Variants in DTNA observed in about 807,000 individuals in gnomAD.
DTNA encodes dystrobrevin alpha, also known as dystrophin-related protein 3.
Under a neutral mutation model 100.7 loss-of-function variants are expected in DTNA, and 43 were observed. The observed-to-expected ratio is 0.43, with a 90% CI of 0.33 to 0.55. The LOEUF is 0.55. Among genes scored for constraint, DTNA ranks in the 20% least tolerant of loss-of-function variants. DTNA has a pLI of 0.04. For missense variants in DTNA, 798 were observed against 953.9 expected, an observed-to-expected ratio of 0.84 and a Z score of 2.15; for synonymous variants, 349 against 347.9, an observed-to-expected ratio of 1.00 and a Z score of -0.04.
chr18:34,741,423 T>C (rs371967877), intron 1 of DTNA, among the ~76,000 whole-genome samples: 108 of 152,340 alleles, frequency 7.1e-4, no homozygotes, highest in Middle Eastern at 3.4e-3. Flanking sequence ...TATTTACCTC[T>C]ATTAAATTTG....
At chr18:34,817,059 A>C (rs150518452) in intron 7 of DTNA, among the ~76,000 whole-genome samples, 1 of 152,180 alleles carries the variant, frequency 6.6e-6, no homozygotes, top group Non-Finnish European at 1.5e-5. Context: ...AGAACTAGTC[A>C]TTTTCCAATC....
intron 1 of DTNA, among the ~76,000 whole-genome samples, chr18:34,636,134 G>C (rs1488198430): frequency 6.6e-6 from 1 of 152,128 alleles, no homozygotes; most frequent in Non-Finnish European, 1.5e-5. Flanking sequence ...ATATATTTGA[G>C]GGTGATATTT....
At chr18:34,613,854 A>G (rs1271714488) in intron 1 of DTNA, among the ~76,000 whole-genome samples, 1 of 152,252 alleles carries the variant, frequency 6.6e-6, no homozygotes, top group African/African-American at 2.4e-5. Context: ...CATAAGATCT[A>G]GCTAAGAAGA....
chr18:34,559,019 A>G (rs1035237876), intron 1 of DTNA, among the ~76,000 whole-genome samples: 2 of 152,212 alleles, frequency 1.3e-5, no homozygotes, highest in Admixed American at 6.5e-5. Flanking sequence ...CCATTGGAAC[A>G]TGGCAACAGT....
At chr18:34,677,675 G>A (rs556327796) in intron 1 of DTNA, among the ~76,000 whole-genome samples, 3 of 152,004 alleles carry the variant, frequency 2.0e-5, no homozygotes, top group African/African-American at 7.2e-5. Flanking sequence ...AATCTACTCC[G>A]ACTCCAATTT....
At chr18:34,568,562 C>G (rs1277898782) in intron 1 of DTNA, among the ~76,000 whole-genome samples, 2 of 152,068 alleles carry the variant, frequency 1.3e-5, no homozygotes, top group Non-Finnish European at 2.9e-5. Flanking sequence ...TCATAAAAGT[C>G]TCAATTTATT....
At chr18:34,522,637 C>A (rs369505788) in intron 1 of DTNA, among the ~76,000 whole-genome samples, 1 of 152,170 alleles carries the variant, frequency 6.6e-6, no homozygotes, top group East Asian at 1.9e-4. Context: ...TCTTTTTATT[C>A]ATGCTAGGAG....
chr18:34,640,989 A>G (rs2059212995), intron 1 of DTNA, among the ~76,000 whole-genome samples: 1 of 152,150 alleles, frequency 6.6e-6, no homozygotes, highest in African/African-American at 2.4e-5. Flanking sequence ...GGTATCATCA[A>G]TTTACATATC....
At position 34,671,078 on chromosome 18, in the gene DTNA, A is replaced by G. The variant is rs141738663; in HGVS notation, c.-1-84898A>G. Among the ~76,000 whole-genome samples, 1,360 of 152,282 alleles carry G rather than the reference A, an allele frequency of 8.9e-3. 18 individuals carry two copies. Among genetic ancestry groups the G allele is most frequent in the African/African-American group, 0.031 (1,290 of 41,554 alleles). On this transcript the variant is annotated intron_variant, in intron 1 of 19. Transcript: ENST00000283365. ...GCTGTGGTGGGCTCCACCCAGTTCA[A>G]GCTTCCCAGCTGCAGCTTTGTTTAC...
At position 34,747,111 on chromosome 18, in the gene DTNA, T is replaced by C. The variant is rs1447456923; in HGVS notation, c.-1-8865T>C. Among the ~76,000 whole-genome samples, 5 of 151,482 alleles carry C rather than the reference T, an allele frequency of 3.3e-5. No homozygotes were observed. In the East Asian group the frequency reaches 9.6e-4, roughly 29 times the overall value. On this transcript the variant is annotated intron_variant, in intron 1 of 22. Transcript: ENST00000444659. ...CTATATCTATATCTGTATCTATATA[T>C]ATATATATATGTTTATGTATATTTA...
chr18:34,872,788 G>A (rs915838980), intron 17 of DTNA, among the ~76,000 whole-genome samples: 1 of 152,238 alleles, frequency 6.6e-6, no homozygotes, highest in Non-Finnish European at 1.5e-5. Flanking sequence ...TCTGTGCCCT[G>A]TGTCTTTTCC....
At chr18:34,755,708 G>T in intron 1 of DTNA, 2 of 419,936 alleles carry the variant, frequency 4.8e-6, no homozygotes, top group Non-Finnish European at 8.9e-6. Context: ...TTTAGTTATA[G>T]CACAAGGTCA....
chr18:34,828,840 C>T (rs1455350233), intron 10 of DTNA, among the ~76,000 whole-genome samples: 1 of 152,054 alleles, frequency 6.6e-6, no homozygotes, highest in African/African-American at 2.4e-5. Flanking sequence ...TTAGAATCAC[C>T]AGCAAATGCA....
Position 34,818,144 on chromosome 18 carries a change from T to A in DTNA, c.710-20T>A. 6.2e-7 allele frequency: 1 copy of A among 1,613,940 alleles called. No homozygotes were observed. The stretch of plus-strand genomic sequence containing the variant: ...CATACTTTTGTTTTCTTGGTTTTTC[T>A]TCACTTACTTCCCCCTTAGTCTTCC... On this transcript the variant is annotated intron_variant, in intron 7 of 22. Coordinates refer to ENST00000444659, the MANE Select transcript of DTNA (RefSeq NM_001386795.1).
intron 12 of DTNA, 63 bp from the exon 13 acceptor site, chr18:34,838,682 C>T: frequency 7.1e-7 from 1 of 1,414,452 alleles, no homozygotes; most frequent in Non-Finnish European, 1.0e-6. Context: ...ACTCCTACCT[C>T]CTCTACTTAT....
intron 3 of DTNA, among the ~76,000 whole-genome samples, chr18:34,778,223 A>T (rs773605272): frequency 2.6e-5 from 4 of 152,208 alleles, no homozygotes; most frequent in Non-Finnish European, 5.9e-5. Context: ...ATGGGGAGGG[A>T]TGATTACATC....
chr18:34,554,139 A>G (rs2146018192), intron 1 of DTNA, among the ~76,000 whole-genome samples: 1 of 129,656 alleles, frequency 7.7e-6, no homozygotes, highest in East Asian at 2.0e-4. Flanking sequence ...TCTTTGAAGC[A>G]ATTGTGAATG....
chr18:34,857,320 A>C (rs1385613037), intron 15 of DTNA, among the ~76,000 whole-genome samples: 1 of 152,178 alleles, frequency 6.6e-6, no homozygotes, highest in Non-Finnish European at 1.5e-5. Context: ...CAGCCCTCCA[A>C]AATGGAAAGC....
At chr18:34,650,979 C>T (rs1404642987) in intron 1 of DTNA, among the ~76,000 whole-genome samples, 1 of 152,160 alleles carries the variant, frequency 6.6e-6, no homozygotes, top group East Asian at 1.9e-4. Context: ...ATTGATCTTA[C>T]ACTTACCTCT....
Sources: allele counts gnomAD v4.1 joint callset (sites outside exome capture counted in the v4.1 genomes callset), GRCh38; gene constraint gnomAD v4.1.1; transcripts MANE v1.5; gene names NCBI Gene and HGNC (gene_info 2026-07-23, HGNC 2026-07-21).